The following BCL2L13 variants were observed in gnomAD, a reference collection of about 807,000 sequenced individuals.
BCL2L13 encodes the protein bcl-2-like protein 13.
Under a neutral mutation model 25.8 loss-of-function variants are expected in BCL2L13, and 13 were observed. The observed-to-expected ratio is 0.50, with a 90% CI of 0.33 to 0.80. The LOEUF is 0.80. Ranked by LOEUF, BCL2L13 falls within the 30% of genes least tolerant of loss-of-function variation. The pLI is 0.02. For missense variants in BCL2L13, 504 were observed against 574.9 expected (o/e 0.88, Z 1.26); for synonymous variants, 244 against 230.3 (o/e 1.06, Z -0.54).
intron 3 of BCL2L13, among the ~76,000 whole-genome samples, chr22:17,684,943 A>C (rs553885985): frequency 4.6e-5 from 7 of 152,206 alleles, no homozygotes; most frequent in East Asian, 1.9e-4. Flanking sequence ...CGTGTTAGCC[A>C]GGATGGTCTC....
intron 4 of BCL2L13, among the ~76,000 whole-genome samples, chr22:17,693,380 T>G (rs1323536987): frequency 1.0e-3 from 115 of 109,840 alleles, no homozygotes; most frequent in African/African-American, 3.5e-3. Context: ...TTGTTTTTTT[T>G]TTTTTTTTTT....
intron 1 of BCL2L13, among the ~76,000 whole-genome samples, chr22:17,639,202 G>A (rs1208162149): frequency 6.6e-6 from 1 of 152,206 alleles, no homozygotes; most frequent in Non-Finnish European, 1.5e-5. Flanking sequence ...GCTTCACGTG[G>A]AAAACCCGGG....
intron 2 of BCL2L13, among the ~76,000 whole-genome samples, chr22:17,656,247 A>G (rs1356738003): frequency 6.6e-6 from 1 of 150,994 alleles, no homozygotes; most frequent in African/African-American, 2.4e-5. Flanking sequence ...CTCAAAAAAA[A>G]AAAAATATAC....
chr22:17,717,072 A>G (rs758662035), intron 6 of BCL2L13, among the ~76,000 whole-genome samples: 10 of 152,178 alleles, frequency 6.6e-5, no homozygotes, highest in Non-Finnish European at 1.3e-4. Flanking sequence ...TAGTCTGCAT[A>G]TATGATGATA....
At chr22:17,657,109 G>T (rs2058898978) in intron 2 of BCL2L13, among the ~76,000 whole-genome samples, 1 of 152,078 alleles carries the variant, frequency 6.6e-6, no homozygotes. Context: ...GTGAGCCCCA[G>T]GCCGGCTTGG....
intron 5 of BCL2L13, among the ~76,000 whole-genome samples, chr22:17,697,102 A>G (rs890364617): frequency 6.6e-6 from 1 of 151,834 alleles, no homozygotes; most frequent in South Asian, 2.1e-4. Context: ...TAGCTTTGCC[A>G]TGGACTGGAT....
intron 1 of BCL2L13, among the ~76,000 whole-genome samples, chr22:17,632,397 T>G (rs1365243782): frequency 6.6e-6 from 1 of 152,202 alleles, no homozygotes; most frequent in Non-Finnish European, 1.5e-5. Context: ...TTGATCACTA[T>G]TGAGCTAAAC....
intron 1 of BCL2L13, among the ~76,000 whole-genome samples, chr22:17,631,716 T>A (rs1464464892): frequency 2.0e-3 from 52 of 26,218 alleles, no homozygotes; most frequent in South Asian, 3.2e-3. Flanking sequence ...ATTTTTTTTT[T>A]TTTTTTTTTT....
intron 6 of BCL2L13, among the ~76,000 whole-genome samples, chr22:17,705,781 C>T (rs925021959): frequency 2.6e-5 from 4 of 152,044 alleles, no homozygotes; most frequent in Non-Finnish European, 5.9e-5. Context: ...GGTATGATTT[C>T]CACGGGGAAT....
chr22:17,726,772 T>G lies in BCL2L13; in HGVS notation c.696T>G (p.Ser232=). The G allele has an allele frequency of 3.7e-6, 6 of 1,614,228 alleles. No homozygotes were observed. Among genetic ancestry groups the G allele is most frequent in the Non-Finnish European group, 5.1e-6 (6 of 1,180,048 alleles). ...TTTACATCCTGCCCAGCGACAACTC[T>G]GGACAAGTCAGTCCCCCAGAGTCTC... ...NDIYILPSDN[S]GQVSPPESPT... Residue 232 remains serine (S), a synonymous_variant, in exon 7 of 7, where the codon TCT becomes TCG. Coordinates refer to ENST00000317582, the MANE Select transcript of BCL2L13 (RefSeq NM_015367.4).
At position 17,702,398 on chromosome 22, in the gene BCL2L13, T is replaced by C; in HGVS notation, c.600+12T>C. On this transcript the variant is annotated intron_variant, in intron 6 of 6. Coordinates refer to ENST00000317582, the MANE Select transcript of BCL2L13 (RefSeq NM_015367.4). ...AGCAAGGTGGCTGGGTATGAGCTGT[T>C]ATATATTAAAAATATTTTCTTGAAA... 1 of 1,535,600 alleles carries C rather than the reference T, an allele frequency of 6.5e-7. No individual in the cohort carries two copies. The highest frequency in any genetic ancestry group is 8.7e-7 in the Non-Finnish European group (1 of 1,147,138).
rs149516240 is a variant in BCL2L13 at position 17,717,464 on chromosome 22, T to G, written c.601-9213T>G. On this transcript the variant is annotated intron_variant, in intron 6 of 6. Coordinates refer to ENST00000317582, the MANE Select transcript of BCL2L13 (RefSeq NM_015367.4). ...CCTGTTTGTCTCCAATGCTATTTCTTTTTTTTGTAGAGATGGGGTCTTACC... is the reference window on the plus strand; with the variant it reads ...CCTGTTTGTCTCCAATGCTATTTCTGTTTTTTGTAGAGATGGGGTCTTACC... Among the ~76,000 whole-genome samples the G allele has an allele frequency of 1.4e-3, 210 of 152,058 alleles. 1 individual carries two copies. The highest frequency in any genetic ancestry group is 4.6e-3 in the African/African-American group (192 of 41,456).
intron 4 of BCL2L13, among the ~76,000 whole-genome samples, chr22:17,689,664 G>C (rs893378254): frequency 1.8e-4 from 28 of 152,028 alleles, no homozygotes; most frequent in African/African-American, 6.8e-4. Context: ...CCAATATGGT[G>C]AAACCTCGTC....
At chr22:17,668,886 G>A (rs2059324149) in intron 2 of BCL2L13, among the ~76,000 whole-genome samples, 1 of 152,140 alleles carries the variant, frequency 6.6e-6, no homozygotes, top group African/African-American at 2.4e-5. Flanking sequence ...TCCCAATGTG[G>A]CAGTATTAGG....
intron 2 of BCL2L13, among the ~76,000 whole-genome samples, chr22:17,662,340 T>C (rs2059097563): frequency 2.6e-5 from 4 of 152,008 alleles, no homozygotes; most frequent in Admixed American, 2.0e-4. Context: ...TAGCCAGGCA[T>C]GGTGGCAGGT....
intron 1 of BCL2L13, among the ~76,000 whole-genome samples, chr22:17,648,289 A>G (rs1412212516): frequency 6.6e-6 from 1 of 152,258 alleles, no homozygotes; most frequent in East Asian, 1.9e-4. Context: ...TTGTCCTATA[A>G]TTTAATATAA....
At chr22:17,628,885 T>C (rs891461513), upstream of BCL2L13, 3 of 570,532 alleles carry the variant, frequency 5.3e-6, no homozygotes, top group Admixed American at 3.0e-5. Flanking sequence ...TCCTTCTACG[T>C]CGCTGACTCG....
At chr22:17,686,152 A>G (rs1261944283) in intron 3 of BCL2L13, among the ~76,000 whole-genome samples, 5 of 152,128 alleles carry the variant, frequency 3.3e-5, no homozygotes, top group Admixed American at 3.3e-4. Context: ...AAACACAGAT[A>G]GAAATGTACA....
At chr22:17,720,588 C>T (rs2061093301) in intron 6 of BCL2L13, among the ~76,000 whole-genome samples, 1 of 151,672 alleles carries the variant, frequency 6.6e-6, no homozygotes, top group Admixed American at 6.6e-5. Flanking sequence ...TGGTCTCGAA[C>T]TCCTGACCTC....
Sources: gnomAD v4.1 joint callset for allele counts (sites outside exome capture counted in the v4.1 genomes callset) on GRCh38, gnomAD v4.1.1 for gene constraint, MANE v1.5 for transcripts, NCBI Gene and HGNC (gene_info 2026-07-23, HGNC 2026-07-21) for gene names.